ZNF141: variants seen among roughly 807,000 people sequenced by gnomAD.
The protein encoded by ZNF141 is zinc finger protein 141, also known as zinc finger protein 141 (clone pHZ-44).
Under a neutral mutation model 11.3 loss-of-function variants are expected in ZNF141, and 7 were observed. The observed-to-expected ratio is 0.62, with a 90% CI of 0.35 to 1.16. The LOEUF is 1.16. Among genes scored for constraint, ZNF141 ranks in the 50% most tolerant of loss-of-function variants. ZNF141 has a pLI of 0.02. For missense variants in ZNF141, 535 were observed against 554.0 expected (o/e 0.97, Z 0.34); for synonymous variants, 183 against 190.7 (o/e 0.96, Z 0.33).
chr4:358,727 G>A (rs1452813117), intron 3 of ZNF141, among the ~76,000 whole-genome samples: 1 of 151,710 alleles, frequency 6.6e-6, no homozygotes, highest in Non-Finnish European at 1.5e-5. Flanking sequence ...ACAGGAATGT[G>A]CCACCACACC....
At chr4:344,241 C>A in intron 2 of ZNF141, 94 bp from the exon 3 acceptor site, 3 of 1,115,646 alleles carry the variant, frequency 2.7e-6, no homozygotes, top group Non-Finnish European at 3.9e-6. Flanking sequence ...TAGAATCTTC[C>A]ATAATATCTC....
rs1467954543 is a variant in ZNF141, at chr4:375,147, A to G, written c.*1285A>G. The G allele has an allele frequency of 6.6e-6, 1 of 152,180 alleles. No homozygotes were observed. The highest frequency in any genetic ancestry group is 2.4e-5 in the African/African-American group (1 of 41,460). The allele number at this position is 152,180 out of a possible 1,614,324, so 9.4% of individuals were successfully genotyped here. On this transcript the variant is annotated 3_prime_UTR_variant, in exon 4 of 4. Coordinates refer to ENST00000240499, the MANE Select transcript of ZNF141 (RefSeq NM_003441.4). ...AGTCATATCTCCTCACATTTTACTA[A>G]CTAGCAATGTTCATACTTAATAAAA...
At chr4:363,574 G>C (rs139014361) in intron 3 of ZNF141, among the ~76,000 whole-genome samples, 2 of 152,088 alleles carry the variant, frequency 1.3e-5, no homozygotes, top group African/African-American at 2.4e-5. Context: ...GGCTAACACC[G>C]TGAAACCTCG....
At position 350,014 on chromosome 4, in the gene ZNF141, C is replaced by T. The variant is rs142878784; in HGVS notation, c.226+5584C>T. 1.2e-3 allele frequency: 490 copies of T among 421,190 alleles called. 1 individual carries two copies. The highest frequency in any genetic ancestry group is 9.3e-3 in the African/African-American group (444 of 47,920). The allele number at this position is 421,190 out of a possible 1,614,324, so 26.1% of individuals were successfully genotyped here. A position where few individuals can be genotyped will look rare whatever the true frequency, so the allele number is the denominator to read the frequency against. ...AGAACTGAGTCACAGGGCTCAGGAG[C>T]ACAGCTGAGGCCAGGATATACAGGC... On this transcript the variant is annotated intron_variant, in intron 3 of 3. Coordinates refer to ENST00000240499, the MANE Select transcript of ZNF141 (RefSeq NM_003441.4).
intron 3 of ZNF141, among the ~76,000 whole-genome samples, chr4:347,787 C>T (rs1581589163): frequency 6.8e-6 from 1 of 147,018 alleles, no homozygotes; most frequent in South Asian, 2.1e-4. Flanking sequence ...ATGGGTTATT[C>T]ATTATTATTG....
chr4:343,019 GC>G (rs1721125297), intron 1 of ZNF141: 1 of 630,788 alleles, frequency 1.6e-6, no homozygotes, highest in African/African-American at 4.1e-5. Flanking sequence ...AAAGTTCCTT[GC>G]ATGATTAAAA....
In ZNF141 at chr4:381,946, C is replaced by CTTTTT. The variant is rs34905613; in HGVS notation, c.*8099_*8103dup. Among the ~76,000 whole-genome samples, 388 of 105,914 alleles carry CTTTTT rather than the reference C, an allele frequency of 3.7e-3. 33 individuals carry two copies. The highest frequency in any genetic ancestry group is 0.016 in the African/African-American group (354 of 22,428). The allele number at this position is 105,914 out of a possible 152,430, so 69.5% of individuals were successfully genotyped here. A position where few individuals can be genotyped will look rare whatever the true frequency, so the allele number is the denominator to read the frequency against. On this transcript the variant is annotated 3_prime_UTR_variant, in exon 4 of 4. Transcript: ENST00000240499. ...CTAGGGCCACCACCATCTCTGGGAA[C>CTTTTT]TTTTTTTTTTTTTTTTTTTGAGACG...
chr4:349,031 C>T (rs138981542), intron 3 of ZNF141, among the ~76,000 whole-genome samples: 70 of 151,910 alleles, frequency 4.6e-4, no homozygotes, highest in Middle Eastern at 3.4e-3. Context: ...TTTTTTATGT[C>T]ATTTGGTTAA....
At chr4:352,218 T>G (rs1721637080) in intron 3 of ZNF141, among the ~76,000 whole-genome samples, 1 of 152,076 alleles carries the variant, frequency 6.6e-6, no homozygotes, top group African/African-American at 2.4e-5. Context: ...AAACCCCATC[T>G]CTACTAAAAA....
At chr4:369,758 A>ATTTTT (rs1560196787) in intron 3 of ZNF141, among the ~76,000 whole-genome samples, 7 of 34,760 alleles carry the variant, frequency 2.0e-4, no homozygotes, top group African/African-American at 1.1e-3. Flanking sequence ...ATATATATAT[A>ATTTTT]TATATATTTT....
At chr4:371,603 G>A (rs1712068240) in intron 3 of ZNF141, among the ~76,000 whole-genome samples, 1 of 149,704 alleles carries the variant, frequency 6.7e-6, no homozygotes, top group African/African-American at 2.5e-5. Flanking sequence ...GCAGTGGCAT[G>A]ATCTCGGCTC....
chr4:382,860 G>T lies in ZNF141; in HGVS notation c.*8998G>T. ...CCAGCTGCTTAGTAGCTGTGGGATA[G>T]TTACACAAGACACATCTACAAGAAA... On this transcript the variant is annotated 3_prime_UTR_variant, in exon 4 of 4. Transcript: ENST00000240499. 1 of 355,478 alleles carries T rather than the reference G, an allele frequency of 2.8e-6. No individual in the cohort carries two copies. Among genetic ancestry groups the T allele is most frequent in the Non-Finnish European group, 5.1e-6 (1 of 195,038 alleles). 22.0% of individuals were successfully genotyped at this position (355,478 alleles called of 1,614,324 possible).
chr4:344,981 T>G (rs1461790042), intron 3 of ZNF141, among the ~76,000 whole-genome samples: 4 of 152,260 alleles, frequency 2.6e-5, no homozygotes, highest in Admixed American at 6.5e-5. Flanking sequence ...GGAGAGCTAA[T>G]GTCCACTTTA....
chr4:354,552 A>G (rs1721759602), intron 3 of ZNF141, among the ~76,000 whole-genome samples: 1 of 151,958 alleles, frequency 6.6e-6, no homozygotes, highest in Non-Finnish European at 1.5e-5. Flanking sequence ...TTGTCTTTTA[A>G]TTCTCTAATT....
chr4:343,954 T>A (rs1721190161), intron 2 of ZNF141, 46 bp downstream of exon 2: 1 of 1,569,698 alleles, frequency 6.4e-7, no homozygotes. Flanking sequence ...CTCAGAGCTT[T>A]ATTTTATTCC....
In ZNF141 at chr4:351,151, G is replaced by A. The variant is rs139635250; in HGVS notation, c.226+6721G>A. Among the ~76,000 whole-genome samples the A allele has an allele frequency of 7.4e-3, 1,126 of 151,966 alleles. 11 individuals carry two copies. The Middle Eastern group carries it at 0.076, about 10-fold the overall frequency. The stretch of plus-strand genomic sequence containing the variant: ...ACTCACTCTCCCTTTGCTTTGTGCC[G>A]TGACTGGAAGCTTTCTGAGGCCTCC... On this transcript the variant is annotated intron_variant, in intron 3 of 3. Transcript: ENST00000240499.
At chr4:344,023 C>T (rs797030661) in intron 2 of ZNF141, 115 bp downstream of exon 2, 1 of 1,424,750 alleles carries the variant, frequency 7.0e-7, no homozygotes, top group Non-Finnish European at 9.4e-7. Flanking sequence ...CTTCTCTTTT[C>T]TTGAGCTAAT....
intron 3 of ZNF141, among the ~76,000 whole-genome samples, chr4:369,134 T>C (rs1240272479): frequency 6.6e-6 from 1 of 150,634 alleles, no homozygotes; most frequent in African/African-American, 2.5e-5. Context: ...ATTTGCTTTG[T>C]ATATTTTGAA....
Position 373,621 on chromosome 4 carries a change from A to G in ZNF141, c.1184A>G (p.Tyr395Cys). The change falls in exon 4 of 4, where the codon TAC becomes TGC. Residue 395 changes from tyrosine to cysteine, a missense_variant. Physicochemically the swap from Tyr to Cys is radical, Grantham distance 194. Transcript: ENST00000240499. ...HKKIHTGEKP[Y>C]KCEECGKAFR... is the part of the protein sequence containing the mutation. Reference sequence around the variant, plus strand: ...AAAATTCATACTGGAGAGAAACCCTACAAATGTGAAGAATGTGGCAAAGCC... The same window carrying G: ...AAAATTCATACTGGAGAGAAACCCTGCAAATGTGAAGAATGTGGCAAAGCC... The G allele has an allele frequency of 6.2e-7, 1 of 1,614,158 alleles. No homozygotes were observed. The highest frequency in any genetic ancestry group is 8.5e-7 in the Non-Finnish European group (1 of 1,180,006).
Sources: gnomAD v4.1 joint callset for allele counts (sites outside exome capture counted in the v4.1 genomes callset) on GRCh38, gnomAD v4.1.1 for gene constraint, MANE v1.5 for transcripts, NCBI Gene and HGNC (gene_info 2026-07-23, HGNC 2026-07-21) for gene names.